The following PLCE1 variants were observed in gnomAD, a reference collection of about 807,000 sequenced individuals.
PLCE1 encodes the protein 1-phosphatidylinositol 4,5-bisphosphate phosphodiesterase epsilon-1.
Under a neutral mutation model 242.8 loss-of-function variants are expected in PLCE1, and 119 were observed. The ratio of observed to expected loss-of-function variants is 0.49; its 90% confidence interval spans 0.42 to 0.57. The LOEUF is 0.57. Among genes scored for constraint, PLCE1 ranks in the 20% least tolerant of loss-of-function variants. The pLI, the probability that PLCE1 is intolerant of heterozygous loss-of-function variation, is 0.00. For missense variants in PLCE1, 2,441 were observed against 2,788.8 expected, an observed-to-expected ratio of 0.88 and a Z score of 2.81; for synonymous variants, 945 against 1,017.4, an observed-to-expected ratio of 0.93 and a Z score of 1.35.
In PLCE1 at chr10:94,306,541, C is replaced by T; in HGVS notation, c.5737C>T (p.Arg1913Ter). The change falls in exon 26 of 33, where the codon CGA (arginine) becomes TGA (stop). Residue 1913 changes from arginine to a stop codon, truncating the protein, a stop_gained. Coordinates refer to ENST00000371380, the MANE Select transcript of PLCE1 (RefSeq NM_016341.4). LOFTEE classifies it high-confidence loss of function. The surrounding 1 kb of genome is among the most constrained non-coding windows in gnomAD (Gnocchi z 5.7). The stretch of plus-strand genomic sequence containing the variant: ...CCATTTCCGCACAAAGCCCATCCAT[C>T]GAAACACCCTGAACCCCATGTGGAA... The part of the protein sequence containing the change: ...SCHFRTKPIH[R>*]NTLNPMWNEQ... The T allele has an allele frequency of 3.1e-6, 5 of 1,614,172 alleles. No individual in the cohort carries two copies. Among genetic ancestry groups the T allele is most frequent in the East Asian group, 2.2e-5 (1 of 44,880 alleles).
chr10:94,087,306 C>T (rs542886697), intron 2 of PLCE1, among the ~76,000 whole-genome samples: 2 of 139,144 alleles, frequency 1.4e-5, no homozygotes, highest in African/African-American at 2.8e-5. Flanking sequence ...GCTGTGATCA[C>T]GCCACTGCAC....
At position 94,174,903 on chromosome 10, in the gene PLCE1, G is replaced by A. The variant is rs540157397; in HGVS notation, c.1809+3407G>A. 1.1e-4 allele frequency among the ~76,000 whole-genome samples: 16 copies of A among 152,292 alleles called. 1 individual carries two copies. The South Asian group carries it at 3.1e-3, about 30-fold the overall frequency. Reference sequence around the variant, plus strand: ...AACTCTGAGGCTCATAGTTTAGTTAGTATGATTGTATCAATGTTAATTTCC... The same window carrying A: ...AACTCTGAGGCTCATAGTTTAGTTAATATGATTGTATCAATGTTAATTTCC... On this transcript the variant is annotated intron_variant, in intron 4 of 32. Coordinates refer to ENST00000371380, the MANE Select transcript of PLCE1 (RefSeq NM_016341.4).
intron 2 of PLCE1, among the ~76,000 whole-genome samples, chr10:94,099,492 A>G (rs553669979): frequency 1.3e-5 from 2 of 152,366 alleles, no homozygotes; most frequent in South Asian, 2.1e-4. Context: ...GTCAAAGCTC[A>G]AACTTTAAAC....
intron 14 of PLCE1, among the ~76,000 whole-genome samples, chr10:94,263,717 A>G (rs2051400867): frequency 6.6e-6 from 1 of 151,948 alleles, no homozygotes; most frequent in Non-Finnish European, 1.5e-5. Context: ...AAAAACAAGT[A>G]TGTAAGTGTT....
chr10:94,183,855 A>G (rs1269347765), intron 4 of PLCE1, among the ~76,000 whole-genome samples: 1 of 152,166 alleles, frequency 6.6e-6, no homozygotes, highest in African/African-American at 2.4e-5. Context: ...TAAAACAACC[A>G]GATCTTGAGT....
chr10:94,050,378 C>G (rs1383180710), intron 2 of PLCE1, among the ~76,000 whole-genome samples: 2 of 152,166 alleles, frequency 1.3e-5, no homozygotes, highest in Non-Finnish European at 2.9e-5. Context: ...TATTCACTAT[C>G]ATGAGAACAG....
chr10:94,217,748 C>T (rs1347927445), intron 4 of PLCE1, among the ~76,000 whole-genome samples: 1 of 152,116 alleles, frequency 6.6e-6, no homozygotes, highest in African/African-American at 2.4e-5. Context: ...TTTCTGAGTA[C>T]AGTATTTAGG....
chr10:94,068,887 C>T (rs577632588), intron 2 of PLCE1, among the ~76,000 whole-genome samples: 1 of 152,358 alleles, frequency 6.6e-6, no homozygotes, highest in South Asian at 2.1e-4. Context: ...TGCCTATCTT[C>T]CTCTACTCGA....
At chr10:94,135,476 T>G (rs962103113) in intron 3 of PLCE1, among the ~76,000 whole-genome samples, 2 of 152,178 alleles carry the variant, frequency 1.3e-5, no homozygotes, top group African/African-American at 4.8e-5. Context: ...CCAACAGCTT[T>G]TAGCTATTGG....
Position 94,032,080 on chromosome 10 carries a change from G to T in PLCE1, c.1034G>T (p.Arg345Ile), listed in dbSNP as rs1389986963. 5.6e-6 allele frequency: 9 copies of T among 1,612,098 alleles called. No homozygotes were observed. Among genetic ancestry groups the T allele is most frequent in the African/African-American group, 1.3e-5 (1 of 74,664 alleles). Residue 345 changes from arginine to isoleucine, a missense_variant, in exon 2 of 33, where the codon AGA becomes ATA. Physicochemically the swap from Arg to Ile is moderately conservative, Grantham distance 97. Transcript: ENST00000371380. Reference protein sequence around the residue: ...EVKKSVYTGTRAIVRTLPSGH... With the variant: ...EVKKSVYTGTIAIVRTLPSGH... ...AAGAAATCTGTGTATACTGGAACAA[G>T]AGCAATTGTGAGAACTCTGCCTTCT...
chr10:94,313,488 C>T (rs761773712), intron 28 of PLCE1, 106 bp downstream of exon 28: 57 of 1,273,870 alleles, frequency 4.5e-5, no homozygotes, highest in South Asian at 7.2e-5. Flanking sequence ...CACATGAATG[C>T]GCAAAAGTCC....
chr10:94,139,648 C>T (rs541371179), intron 3 of PLCE1: 12 of 152,122 alleles, frequency 7.9e-5, no homozygotes, highest in African/African-American at 2.9e-4. Flanking sequence ...AACCAGGGTC[C>T]TGAGTCCAGG....
chr10:94,069,870 T>C (rs2044303119), intron 2 of PLCE1, among the ~76,000 whole-genome samples: 1 of 151,374 alleles, frequency 6.6e-6, no homozygotes, highest in African/African-American at 2.4e-5. Flanking sequence ...CGGGGTGGAG[T>C]CTAACCAAAG....
intron 2 of PLCE1, among the ~76,000 whole-genome samples, chr10:94,128,168 A>G (rs1328519372): frequency 1.3e-5 from 2 of 151,874 alleles, no homozygotes; most frequent in Admixed American, 6.6e-5. Context: ...TTGTATTTTT[A>G]GTAGAGACGG....
chr10:94,070,462 G>T (rs2044319070), intron 2 of PLCE1, among the ~76,000 whole-genome samples: 1 of 152,118 alleles, frequency 6.6e-6, no homozygotes, highest in Non-Finnish European at 1.5e-5. Context: ...AGGAAGAGAT[G>T]GGCTTCCCTC....
intron 5 of PLCE1, among the ~76,000 whole-genome samples, chr10:94,233,768 C>T (rs1030811381): frequency 4.6e-5 from 7 of 151,770 alleles, no homozygotes; most frequent in East Asian, 3.9e-4. Flanking sequence ...GCCAACATGG[C>T]GAAACCCCGT....
chr10:94,288,279 C>T (rs2052530395), intron 22 of PLCE1, among the ~76,000 whole-genome samples: 1 of 152,080 alleles, frequency 6.6e-6, no homozygotes, highest in Non-Finnish European at 1.5e-5. Context: ...CTCTGTATGC[C>T]TTGACATACC....
intron 2 of PLCE1, among the ~76,000 whole-genome samples, chr10:94,033,893 A>G (rs527824271): frequency 6.6e-6 from 1 of 152,204 alleles, no homozygotes; most frequent in East Asian, 1.9e-4. Context: ...TAAGTGCTAT[A>G]TTTTTACTTT....
intron 5 of PLCE1, among the ~76,000 whole-genome samples, chr10:94,229,197 C>CAAAA (rs200316786): frequency 7.8e-4 from 96 of 123,390 alleles, no homozygotes; most frequent in East Asian, 5.5e-3. Context: ...ACAAAACAAA[C>CAAAA]AAACAAAAAA....
Sources: gnomAD v4.1 joint callset for allele counts (sites outside exome capture counted in the v4.1 genomes callset) on GRCh38, gnomAD v4.1.1 for gene constraint, Gnocchi (gnomAD v3.1) non-coding constraint, MANE v1.5 for transcripts, NCBI Gene and HGNC (gene_info 2026-07-23, HGNC 2026-07-21) for gene names.